SPON1: variants seen among roughly 807,000 people sequenced by gnomAD.
The protein encoded by SPON1 is spondin 1, also known as spondin-1.
A neutral mutation model predicts 111.7 loss-of-function variants in SPON1; 52 were observed. The observed-to-expected ratio is 0.47, with a 90% CI of 0.37 to 0.59. SPON1 has a LOEUF of 0.59. Ranked by LOEUF, SPON1 falls within the 20% of genes least tolerant of loss-of-function variation. The probability of loss-of-function intolerance (pLI) is 0.00; values close to 1 mark genes in which losing one functional copy is unlikely to be tolerated. For missense variants in SPON1, 957 were observed against 1,068.5 expected (o/e 0.90, Z 1.46); for synonymous variants, 410 against 395.8 (o/e 1.04, Z -0.43).
intron 6 of SPON1, among the ~76,000 whole-genome samples, chr11:14,179,285 G>T (rs782650100): frequency 6.6e-6 from 1 of 152,280 alleles, no homozygotes; most frequent in Middle Eastern, 3.4e-3. Context: ...TGCCATCATC[G>T]CAGATGTTCC....
At chr11:14,064,379 C>A (rs554956536) in intron 3 of SPON1, among the ~76,000 whole-genome samples, 4 of 152,144 alleles carry the variant, frequency 2.6e-5, no homozygotes, top group African/African-American at 9.7e-5. Flanking sequence ...CTGGTTAATG[C>A]GGCTCTGAGG....
intron 5 of SPON1, among the ~76,000 whole-genome samples, chr11:14,111,176 C>A (rs1036869964): frequency 6.6e-6 from 1 of 152,210 alleles, no homozygotes; most frequent in Non-Finnish European, 1.5e-5. Context: ...TCTCATATTA[C>A]CCTCAACCCT....
chr11:14,070,050 G>T (rs1411806890), intron 3 of SPON1, among the ~76,000 whole-genome samples: 2 of 152,270 alleles, frequency 1.3e-5, no homozygotes, highest in African/African-American at 4.8e-5. Flanking sequence ...TAAATATGCG[G>T]CCATCGTTCA....
chr11:14,172,275 T>C (rs1335910745), intron 6 of SPON1, among the ~76,000 whole-genome samples: 4 of 151,950 alleles, frequency 2.6e-5, no homozygotes, highest in African/African-American at 9.7e-5. Flanking sequence ...TTGATCTTTG[T>C]TGGTTTAAAG....
intron 6 of SPON1, among the ~76,000 whole-genome samples, chr11:14,139,709 A>AATATATAC (rs1554928562): frequency 6.9e-6 from 1 of 145,406 alleles, no homozygotes; most frequent in Non-Finnish European, 1.5e-5. Context: ...AAACATGTAA[A>AATATATAC]ATATATATAT....
intron 3 of SPON1, among the ~76,000 whole-genome samples, chr11:14,061,889 G>T (rs1043743235): frequency 6.6e-6 from 1 of 152,200 alleles, no homozygotes. Flanking sequence ...TGCAACAAGA[G>T]CCCAACAGAT....
intron 6 of SPON1, among the ~76,000 whole-genome samples, chr11:14,156,798 T>C (rs562721932): frequency 1.5e-3 from 235 of 152,262 alleles, no homozygotes; most frequent in African/African-American, 5.2e-3. Context: ...AAAGATCAGA[T>C]AGTTGTAGAT....
At chr11:14,057,966 A>G (rs1848760174) in intron 3 of SPON1, among the ~76,000 whole-genome samples, 1 of 152,116 alleles carries the variant, frequency 6.6e-6, no homozygotes, top group Admixed American at 6.5e-5. Flanking sequence ...GCAGAGAGCC[A>G]TGATTGTGCC....
chr11:14,168,687 T>A (rs2133880176), intron 6 of SPON1, among the ~76,000 whole-genome samples: 1 of 142,270 alleles, frequency 7.0e-6, no homozygotes, highest in Admixed American at 7.0e-5. Context: ...GTGTGTGATG[T>A]TCCCCTTCCT....
intron 6 of SPON1, among the ~76,000 whole-genome samples, chr11:14,235,815 G>A (rs534769289): frequency 1.2e-3 from 189 of 152,230 alleles, no homozygotes; most frequent in African/African-American, 4.4e-3. Context: ...GACCTGCCAT[G>A]GACATCAAAG....
At chr11:14,100,538 A>G (rs1013295601) in intron 5 of SPON1, among the ~76,000 whole-genome samples, 5 of 152,190 alleles carry the variant, frequency 3.3e-5, no homozygotes, top group Non-Finnish European at 1.5e-5. Context: ...TTGAATTCAT[A>G]AACAAAACAA....
intron 2 of SPON1, among the ~76,000 whole-genome samples, chr11:14,001,878 AAAT>A (rs1848321694): frequency 6.6e-6 from 1 of 152,254 alleles, no homozygotes; most frequent in African/African-American, 2.4e-5. Flanking sequence ...AGATTAGATG[AAAT>A]AATAAAAGGG....
chr11:14,141,029 C>CCCCCCCCCCA (rs71041572), intron 6 of SPON1, among the ~76,000 whole-genome samples: 5 of 132,252 alleles, frequency 3.8e-5, no homozygotes, highest in South Asian at 2.5e-4. Flanking sequence ...GTGCCCCCCC[C>CCCCCCCCCCA]ATGCCCCACT....
chr11:14,096,886 T>G (rs1297168163), intron 5 of SPON1, among the ~76,000 whole-genome samples: 1 of 152,212 alleles, frequency 6.6e-6, no homozygotes, highest in African/African-American at 2.4e-5. Context: ...CATGTATTAT[T>G]TTGATAAAAT....
intron 2 of SPON1, among the ~76,000 whole-genome samples, chr11:14,032,122 A>G (rs1415889390): frequency 1.3e-5 from 2 of 152,350 alleles, no homozygotes; most frequent in South Asian, 2.1e-4. Flanking sequence ...GGGATTGTAC[A>G]TTAAATGGAA....
chr11:14,087,289 T>C (rs971944907), intron 5 of SPON1, among the ~76,000 whole-genome samples: 1 of 152,238 alleles, frequency 6.6e-6, no homozygotes, highest in Admixed American at 6.5e-5. Context: ...TTTGTGCTTA[T>C]AAATTTCCCT....
At chr11:14,186,249 A>G (rs1395630738) in intron 6 of SPON1, among the ~76,000 whole-genome samples, 5 of 152,236 alleles carry the variant, frequency 3.3e-5, no homozygotes, top group Non-Finnish European at 7.3e-5. Context: ...TTAATTGCCA[A>G]ATGAATTGTG....
At chr11:14,240,589 T>TCG in intron 6 of SPON1, among the ~76,000 whole-genome samples, 1 of 140,252 alleles carries the variant, frequency 7.1e-6, no homozygotes, top group East Asian at 2.1e-4. Context: ...AGAAGCAATA[T>TCG]TGTGTGTGTG....
chr11:14,018,909 A>T (rs1554914552), intron 2 of SPON1, among the ~76,000 whole-genome samples: 1 of 152,354 alleles, frequency 6.6e-6, no homozygotes, highest in Non-Finnish European at 1.5e-5. Context: ...AGCAGCCAGC[A>T]CTTGTAAGCA....
Sources: gnomAD v4.1 joint callset for allele counts (sites outside exome capture counted in the v4.1 genomes callset) on GRCh38, gnomAD v4.1.1 for gene constraint, MANE v1.5 for transcripts, NCBI Gene and HGNC (gene_info 2026-07-23, HGNC 2026-07-21) for gene names.